SNTG1: variants seen among roughly 807,000 people sequenced by gnomAD.
SNTG1 encodes the protein syntrophin gamma 1, also known as gamma-1-syntrophin.
A neutral mutation model predicts 74.7 loss-of-function variants in SNTG1; 39 were observed. The ratio of observed to expected loss-of-function variants is 0.52; its 90% CI spans 0.40 to 0.68. The LOEUF (loss-of-function observed/expected upper bound fraction) is 0.68. SNTG1 is among the 30% of genes least tolerant of loss of function. SNTG1 has a pLI of 0.00. For missense variants in SNTG1, 685 were observed against 609.5 expected (o/e 1.12, Z -1.30); for synonymous variants, 254 against 217.1 (o/e 1.17, Z -1.49).
chr8:50,577,306 C>T (rs2094582199), intron 12 of SNTG1, among the ~76,000 whole-genome samples: 1 of 152,118 alleles, frequency 6.6e-6, no homozygotes, highest in Non-Finnish European at 1.5e-5. Flanking sequence ...ACCAATCTTC[C>T]ATTCCAGGAA....
At chr8:50,752,633 A>C (rs918432237) in intron 18 of SNTG1, among the ~76,000 whole-genome samples, 2 of 152,006 alleles carry the variant, frequency 1.3e-5, no homozygotes, top group African/African-American at 4.8e-5. Context: ...AAAGTGAAAA[A>C]ATTGTATCTA....
intron 1 of SNTG1, among the ~76,000 whole-genome samples, chr8:50,050,265 G>A (rs927771089): frequency 2.6e-5 from 4 of 151,398 alleles, no homozygotes; most frequent in African/African-American, 9.7e-5. Context: ...TGAAAGAGAG[G>A]CCATCATTAT....
chr8:50,226,848 C>A (rs866103116), intron 2 of SNTG1, among the ~76,000 whole-genome samples: 3 of 152,246 alleles, frequency 2.0e-5, no homozygotes, highest in Middle Eastern at 6.8e-3. Flanking sequence ...TCTTATTTGG[C>A]TCAAAATAAA....
intron 1 of SNTG1, among the ~76,000 whole-genome samples, chr8:50,001,241 T>C (rs1814710416): frequency 6.6e-6 from 1 of 152,106 alleles, no homozygotes; most frequent in South Asian, 2.1e-4. Flanking sequence ...GGTTTTTTAA[T>C]TGGTGCTTAT....
chr8:50,093,056 G>A (rs1012073576), intron 1 of SNTG1, among the ~76,000 whole-genome samples: 2 of 150,844 alleles, frequency 1.3e-5, no homozygotes, highest in Non-Finnish European at 3.0e-5. Context: ...AGCTAGCCAT[G>A]AGAAGCATTG....
chr8:50,134,697 T>C (rs1367735479), intron 1 of SNTG1, among the ~76,000 whole-genome samples: 5 of 152,042 alleles, frequency 3.3e-5, no homozygotes, highest in Non-Finnish European at 7.4e-5. Context: ...GGTGTGAGTA[T>C]GTACTTTAGG....
intron 8 of SNTG1, among the ~76,000 whole-genome samples, chr8:50,472,319 T>C (rs2131752414): frequency 6.6e-6 from 1 of 152,216 alleles, no homozygotes; most frequent in Middle Eastern, 3.4e-3. Context: ...GCCAAAACAA[T>C]GTGGTAGTGA....
chr8:50,328,760 C>T (rs906854675), intron 2 of SNTG1, among the ~76,000 whole-genome samples: 1 of 152,132 alleles, frequency 6.6e-6, no homozygotes, highest in African/African-American at 2.4e-5. Flanking sequence ...CTGCCCATGG[C>T]CCCTCCCAAA....
chr8:50,687,032 G>A (rs2095355303), intron 15 of SNTG1, among the ~76,000 whole-genome samples: 1 of 151,376 alleles, frequency 6.6e-6, no homozygotes, highest in Admixed American at 6.6e-5. Flanking sequence ...CTGCTCGGGA[G>A]GCTGAGGCAG....
chr8:50,426,171 T>C (rs2093161116), intron 4 of SNTG1, among the ~76,000 whole-genome samples: 1 of 152,186 alleles, frequency 6.6e-6, no homozygotes, highest in Admixed American at 6.5e-5. Flanking sequence ...TTAGATTTTC[T>C]TAGTTTTCAT....
chr8:50,025,735 CA>C (rs1360809204), intron 1 of SNTG1, among the ~76,000 whole-genome samples: 1 of 152,158 alleles, frequency 6.6e-6, no homozygotes, highest in Non-Finnish European at 1.5e-5. Context: ...AAGGTAAAAA[CA>C]GTAGAACCAC....
chr8:50,644,174 G>A (rs1165443169), intron 13 of SNTG1: 3 of 152,274 alleles, frequency 2.0e-5, no homozygotes, highest in African/African-American at 7.2e-5. Context: ...AACATCAAAA[G>A]CAGATGTCTG....
chr8:50,778,263 C>G (rs12547335), intron 18 of SNTG1, among the ~76,000 whole-genome samples: 2 of 152,018 alleles, frequency 1.3e-5, no homozygotes, highest in Non-Finnish European at 2.9e-5. Context: ...TTCTAGATCC[C>G]TGAGGAATCG....
intron 2 of SNTG1, among the ~76,000 whole-genome samples, chr8:50,236,519 C>T (rs1001671858): frequency 6.7e-6 from 1 of 150,098 alleles, no homozygotes; most frequent in Non-Finnish European, 1.5e-5. Flanking sequence ...GGCGCTATCC[C>T]GGCTCACTGC....
At chr8:50,485,979 G>C (rs1483790622) in intron 8 of SNTG1, among the ~76,000 whole-genome samples, 3 of 151,336 alleles carry the variant, frequency 2.0e-5, no homozygotes, top group Non-Finnish European at 4.4e-5. Flanking sequence ...TCAGATAGTT[G>C]TAGATATGCG....
At chr8:50,592,920 C>T (rs929078001) in intron 13 of SNTG1, among the ~76,000 whole-genome samples, 2 of 151,892 alleles carry the variant, frequency 1.3e-5, no homozygotes, top group Non-Finnish European at 2.9e-5. Flanking sequence ...TATAGTTAAA[C>T]ATTTATATTA....
chr8:50,135,339 C>G lies in SNTG1; in HGVS notation c.-102-37222C>G, dbSNP rs182844218. On this transcript the variant is annotated intron_variant, in intron 1 of 18. Coordinates refer to ENST00000642720, the MANE Select transcript of SNTG1 (RefSeq NM_018967.5). ...TGTGGTAATAAATACAAAGACAAAT[C>G]AAAAAGTAAAATATTACATAAGGAA... 2.6e-5 allele frequency among the ~76,000 whole-genome samples: 4 copies of G among 152,080 alleles called. No homozygotes were observed. The East Asian group carries it at 7.7e-4, about 29-fold the overall frequency.
chr8:50,228,232 C>T (rs796632548), intron 2 of SNTG1, among the ~76,000 whole-genome samples: 36 of 151,422 alleles, frequency 2.4e-4, no homozygotes, highest in African/African-American at 6.8e-4. Flanking sequence ...AAAAATATTA[C>T]GAAACTAAAA....
chr8:50,043,432 G>C (rs1818811433), intron 1 of SNTG1, among the ~76,000 whole-genome samples: 1 of 152,152 alleles, frequency 6.6e-6, no homozygotes, highest in Non-Finnish European at 1.5e-5. Flanking sequence ...TTAAAAAGAA[G>C]TAACTGGAAA....
Sources: gnomAD v4.1 joint callset for allele counts (sites outside exome capture counted in the v4.1 genomes callset) on GRCh38, gnomAD v4.1.1 for gene constraint, MANE v1.5 for transcripts, NCBI Gene and HGNC (gene_info 2026-07-23, HGNC 2026-07-21) for gene names.